The following CREB5 variants were observed in gnomAD, a reference collection of about 807,000 sequenced individuals.
The protein encoded by CREB5 is cAMP responsive element binding protein 5, also known as cyclic AMP-responsive element-binding protein 5.
A neutral mutation model predicts 57.1 loss-of-function variants in CREB5; 19 were observed. That is an observed-to-expected ratio of 0.33 (90% CI 0.23 to 0.49). The LOEUF (loss-of-function observed/expected upper bound fraction) is 0.49, where lower values mean the gene tolerates loss of function less well. Among genes scored for constraint, CREB5 ranks in the 20% least tolerant of loss-of-function variants. CREB5 has a pLI of 0.99. For missense variants in CREB5, 579 were observed against 671.6 expected (o/e 0.86, Z 1.52); for synonymous variants, 238 against 238.3 (o/e 1.00, Z 0.01).
chr7:28,654,401 C>T (rs1476805390), intron 5 of CREB5, among the ~76,000 whole-genome samples: 1 of 152,152 alleles, frequency 6.6e-6, no homozygotes, highest in Non-Finnish European at 1.5e-5. Context: ...TTGAGGCTCG[C>T]AAATGGCACT....
At chr7:28,745,118 C>T (rs1319588099) in intron 7 of CREB5, among the ~76,000 whole-genome samples, 1 of 152,206 alleles carries the variant, frequency 6.6e-6, no homozygotes, top group Non-Finnish European at 1.5e-5. Context: ...CTGAACATCT[C>T]TCTTGCTCCA....
chr7:28,560,897 C>CGTGCGT (rs1554344444), intron 4 of CREB5, among the ~76,000 whole-genome samples: 414 of 22,482 alleles, frequency 0.018, 34 homozygotes, highest in South Asian at 0.045. Context: ...CGTGTGTGTG[C>CGTGCGT]GTGCGCGCGT....
chr7:28,556,877 T>C (rs1269457213), intron 4 of CREB5, among the ~76,000 whole-genome samples: 2 of 152,216 alleles, frequency 1.3e-5, no homozygotes, highest in Non-Finnish European at 2.9e-5. Context: ...TTCAGTTGGC[T>C]GCTTTCTTTG....
intron 5 of CREB5, among the ~76,000 whole-genome samples, chr7:28,614,411 C>T (rs1797520416): frequency 6.6e-6 from 1 of 152,174 alleles, no homozygotes; most frequent in Admixed American, 6.5e-5. Flanking sequence ...GCCAAAGCTG[C>T]CATTGTCACT....
intron 7 of CREB5, among the ~76,000 whole-genome samples, chr7:28,725,645 T>TTTAA (rs1554291839): frequency 8.9e-6 from 1 of 112,374 alleles, no homozygotes; most frequent in African/African-American, 2.9e-5. Context: ...TATCTTTTTT[T>TTTAA]AAAAAAAAAA....
At chr7:28,505,708 C>A (rs1264353324) in intron 3 of CREB5, among the ~76,000 whole-genome samples, 1 of 152,140 alleles carries the variant, frequency 6.6e-6, no homozygotes, top group African/African-American at 2.4e-5. Flanking sequence ...AATTGTGTAA[C>A]CTTGTGCAAG....
intron 1 of CREB5, among the ~76,000 whole-genome samples, chr7:28,304,770 A>G (rs943034441): frequency 3.3e-5 from 5 of 152,196 alleles, no homozygotes; most frequent in African/African-American, 4.8e-5. Flanking sequence ...AATCAAATAG[A>G]ATGGAAACAT....
At chr7:28,340,718 C>T (rs772712894) in intron 1 of CREB5, among the ~76,000 whole-genome samples, 12 of 152,194 alleles carry the variant, frequency 7.9e-5, no homozygotes, top group Non-Finnish European at 1.8e-4. Context: ...CTAGGAGTTG[C>T]AGTCCTTGTA....
intron 5 of CREB5, among the ~76,000 whole-genome samples, chr7:28,681,976 A>T (rs1005797241): frequency 3.3e-5 from 5 of 152,182 alleles, no homozygotes; most frequent in African/African-American, 1.2e-4. Context: ...GGCTCTTGTG[A>T]CCTCTTAATA....
chr7:28,609,271 A>G lies in CREB5; in HGVS notation c.464+38734A>G, dbSNP rs180791549. 3.9e-4 allele frequency among the ~76,000 whole-genome samples: 60 copies of G among 152,206 alleles called. No homozygotes were observed. The East Asian group carries it at 0.011, about 27-fold the overall frequency. ...CATGGCTTAGTTTCTTTGGGGTCCT[A>G]TGTCTGTGGGGCAGTCTGTCCATTG... On this transcript the variant is annotated intron_variant, in intron 5 of 10. Coordinates refer to ENST00000357727, the MANE Select transcript of CREB5 (RefSeq NM_182898.4).
intron 1 of CREB5, among the ~76,000 whole-genome samples, chr7:28,354,132 G>C (rs1786293171): frequency 1.3e-5 from 2 of 152,144 alleles, no homozygotes; most frequent in African/African-American, 4.8e-5. Flanking sequence ...AGGAGTGCTT[G>C]CATGTCTAAA....
intron 5 of CREB5, among the ~76,000 whole-genome samples, chr7:28,611,852 T>C (rs907700035): frequency 6.6e-6 from 1 of 152,066 alleles, no homozygotes; most frequent in Admixed American, 6.6e-5. Context: ...CCAAATCTCA[T>C]AGAACTGTAT....
At chr7:28,737,091 G>T (rs1804025941) in intron 7 of CREB5, among the ~76,000 whole-genome samples, 1 of 151,824 alleles carries the variant, frequency 6.6e-6, no homozygotes, top group African/African-American at 2.4e-5. Flanking sequence ...GAATTTGGGG[G>T]TTATTTTTTA....
At chr7:28,707,083 G>T (rs1200664669) in intron 5 of CREB5, among the ~76,000 whole-genome samples, 1 of 152,110 alleles carries the variant, frequency 6.6e-6, no homozygotes, top group Non-Finnish European at 1.5e-5. Flanking sequence ...CGGCTTCCCT[G>T]AGAAGAGGAT....
At chr7:28,347,532 A>T (rs1266208501) in intron 1 of CREB5, among the ~76,000 whole-genome samples, 1 of 152,220 alleles carries the variant, frequency 6.6e-6, no homozygotes, top group East Asian at 1.9e-4. Flanking sequence ...AATGTGTCAC[A>T]ATATTTTGCT....
intron 7 of CREB5, among the ~76,000 whole-genome samples, chr7:28,752,327 TA>T (rs1354714695): frequency 4.6e-5 from 7 of 152,082 alleles, no homozygotes; most frequent in African/African-American, 1.7e-4. Flanking sequence ...CTACCACACC[TA>T]GCTAATTTTT....
At chr7:28,399,531 T>C (rs552762978) in intron 1 of CREB5, among the ~76,000 whole-genome samples, 1 of 151,396 alleles carries the variant, frequency 6.6e-6, no homozygotes, top group South Asian at 2.1e-4. Flanking sequence ...AAATAAACAA[T>C]GGAGAAAGAA....
intron 4 of CREB5, among the ~76,000 whole-genome samples, chr7:28,560,941 C>CGTGT (rs1301747861): frequency 2.2e-5 from 1 of 44,658 alleles, no homozygotes; most frequent in Non-Finnish European, 4.1e-5. Context: ...TGTGTGCGTG[C>CGTGT]GTGTGTGTGC....
At chr7:28,663,813 A>G (rs1029918128) in intron 5 of CREB5, among the ~76,000 whole-genome samples, 1 of 152,154 alleles carries the variant, frequency 6.6e-6, no homozygotes, top group Non-Finnish European at 1.5e-5. Context: ...TCATTTGCTC[A>G]TAATAAACAT....
Sources: gnomAD v4.1 joint callset for allele counts (sites outside exome capture counted in the v4.1 genomes callset) on GRCh38, gnomAD v4.1.1 for gene constraint, MANE v1.5 for transcripts, NCBI Gene and HGNC (gene_info 2026-07-23, HGNC 2026-07-21) for gene names.